Variants in PTCHD1 observed in about 807,000 individuals in gnomAD.
PTCHD1 encodes patched domain containing 1.
Under a neutral mutation model 34.6 loss-of-function variants are expected in PTCHD1, and 3 were observed. That is an observed-to-expected ratio of 0.09 (90% CI 0.04 to 0.22). The LOEUF is 0.22. Among genes scored for constraint, PTCHD1 ranks in the 10% least tolerant of loss-of-function variants. The pLI is 1.00. For synonymous variants in PTCHD1, 305 were observed against 283.1 expected, an observed-to-expected ratio of 1.08 and a Z score of -0.77; for missense variants, 504 against 685.5, an observed-to-expected ratio of 0.74 and a Z score of 2.96.
At chrX:23,379,511 G>A in intron 1 of PTCHD1, 80 bp from the exon 2 acceptor site, 1 of 997,878 alleles carries the variant, frequency 1.0e-6, no homozygotes, top group East Asian at 3.1e-5. Context: ...GTTTAGCTTA[G>A]AGACGGAATG....
At chrX:23,369,731 G>A (rs1361277309) in intron 1 of PTCHD1, among the ~76,000 whole-genome samples, 1 of 111,533 alleles carries the variant, frequency 9.0e-6, no homozygotes, top group Non-Finnish European at 1.9e-5. Flanking sequence ...TCCTTTAATT[G>A]ATGTGCACAG....
At chrX:23,337,244 G>A in intron 1 of PTCHD1, among the ~76,000 whole-genome samples, 1 of 111,945 alleles carries the variant, frequency 8.9e-6, no homozygotes, top group Non-Finnish European at 1.9e-5. Flanking sequence ...GAACTGGGAT[G>A]GTTTTTCATC....
In PTCHD1 at chrX:23,394,218, C is replaced by G. The variant is rs1467985540; in HGVS notation, c.*33C>G. 3.3e-6 allele frequency: 3 copies of G among 922,413 alleles called. No homozygotes were observed. The Admixed American group carries it at 7.3e-5, about 22-fold the overall frequency. 76.0% of individuals were successfully genotyped at this position (922,413 alleles called of 1,213,427 possible). A position where few individuals can be genotyped will look rare whatever the true frequency, so the allele number is the denominator to read the frequency against. ...TGCTTGGCATATTTTCACCTTAGGT[C>G]TTATCAAGACCAAAGAGATTATGTT... On this transcript the variant is annotated 3_prime_UTR_variant, in exon 3 of 3. Coordinates refer to ENST00000379361, the MANE Select transcript of PTCHD1 (RefSeq NM_173495.3).
At chrX:23,340,723 G>A (rs1297806799) in intron 1 of PTCHD1, among the ~76,000 whole-genome samples, 1 of 112,465 alleles carries the variant, frequency 8.9e-6, no homozygotes, top group Non-Finnish European at 1.9e-5. Flanking sequence ...CACAGAGGCT[G>A]ATGCTAGAAT....
intron 1 of PTCHD1, among the ~76,000 whole-genome samples, chrX:23,377,575 G>GGTGTGTGT (rs748957859): frequency 2.7e-3 from 246 of 90,522 alleles, no homozygotes; most frequent in East Asian, 5.8e-3. Context: ...GCCTCCTAGG[G>GGTGTGTGT]GTGTGTGTGT....
At chrX:23,370,770 T>C (rs1419490337) in intron 1 of PTCHD1, among the ~76,000 whole-genome samples, 1 of 112,381 alleles carries the variant, frequency 8.9e-6, no homozygotes, top group Non-Finnish European at 1.9e-5. Flanking sequence ...GATTTAACAG[T>C]ATTATTATTC....
intron 1 of PTCHD1, among the ~76,000 whole-genome samples, chrX:23,355,068 G>A (rs759403957): frequency 4.6e-5 from 5 of 109,391 alleles, no homozygotes; most frequent in African/African-American, 1.3e-4. Context: ...CAATTGCTGC[G>A]ACAGGTATGG....
chrX:23,350,613 G>T (rs1029154783), intron 1 of PTCHD1, among the ~76,000 whole-genome samples: 1 of 111,935 alleles, frequency 8.9e-6, no homozygotes. Flanking sequence ...AAGAGGTAAA[G>T]TGTGAATGTG....
rs745436338 is a variant in PTCHD1, at chrX:23,339,839, G to A, written c.351+4613G>A. 3.6e-5 allele frequency among the ~76,000 whole-genome samples: 4 copies of A among 112,411 alleles called. No individual in the cohort carries two copies. In the South Asian group the frequency reaches 1.1e-3, roughly 31 times the overall value. On this transcript the variant is annotated intron_variant, in intron 1 of 2. Transcript: ENST00000379361. ...CTATATAGCAGAAATTGTGGCTCGC[G>A]AAGCCCGAGAGATTTGCTATCTGTA... is the stretch of plus-strand genomic sequence containing the variant.
At chrX:23,348,816 T>G (rs1014642131) in intron 1 of PTCHD1, among the ~76,000 whole-genome samples, 2 of 111,357 alleles carry the variant, frequency 1.8e-5, no homozygotes, top group Admixed American at 1.9e-4. Context: ...AAAAGGAAAA[T>G]TATATAGGTC....
intron 1 of PTCHD1, among the ~76,000 whole-genome samples, 183 bp downstream of exon 1, chrX:23,335,409 G>C (rs1285649222): frequency 8.8e-6 from 1 of 113,105 alleles, no homozygotes; most frequent in Non-Finnish European, 1.9e-5. Flanking sequence ...GACAAGGAGC[G>C]TCGGGGTCCG....
chrX:23,379,507 C>A, intron 1 of PTCHD1, 84 bp from the exon 2 acceptor site: 1 of 978,345 alleles, frequency 1.0e-6, no homozygotes, highest in Non-Finnish European at 1.4e-6. Flanking sequence ...AACTGTTTAG[C>A]TTAGAGACGG....
At chrX:23,344,418 A>G (rs1211018650) in intron 1 of PTCHD1, among the ~76,000 whole-genome samples, 1 of 112,228 alleles carries the variant, frequency 8.9e-6, no homozygotes, top group Non-Finnish European at 1.9e-5. Context: ...AATGACTGCT[A>G]TTTCCTCACA....
intron 1 of PTCHD1, among the ~76,000 whole-genome samples, chrX:23,346,764 T>G (rs1389315966): frequency 8.9e-6 from 1 of 111,897 alleles, no homozygotes; most frequent in Non-Finnish European, 1.9e-5. Flanking sequence ...CCCTGGCAAC[T>G]AATGTTCAGT....
chrX:23,347,844 A>G (rs1569133201), intron 1 of PTCHD1, among the ~76,000 whole-genome samples: 1 of 110,954 alleles, frequency 9.0e-6, no homozygotes. Context: ...CGTCTCTACA[A>G]AAAAATTTAA....
Position 23,374,603 on chromosome X carries a change from CTTT to C in PTCHD1, c.352-4974_352-4972del, listed in dbSNP as rs199743694. Among the ~76,000 whole-genome samples, 209 of 97,161 alleles carry C rather than the reference CTTT, an allele frequency of 2.2e-3. 1 individual carries two copies. Among genetic ancestry groups the C allele is most frequent in the African/African-American group, 7.1e-3 (193 of 27,337 alleles). The allele number at this position is 97,161 out of a possible 115,157, so 84.4% of individuals were successfully genotyped here. On this transcript the variant is annotated intron_variant, in intron 1 of 2. Transcript: ENST00000379361. ...TGGGAAATCACTCAGAGAGGGAAATCTTTTTTTTTTTTTTTTCCAGTAAACCTA... is the reference window on the plus strand; with the variant it reads ...TGGGAAATCACTCAGAGAGGGAAATCTTTTTTTTTTTTTCCAGTAAACCTA...
chrX:23,361,248 G>A (rs942071632), intron 1 of PTCHD1, among the ~76,000 whole-genome samples: 10 of 111,456 alleles, frequency 9.0e-5, no homozygotes, highest in Non-Finnish European at 1.9e-4. Flanking sequence ...TGACAGTGGG[G>A]TGTTAAAGTC....
Position 23,348,079 on chromosome X carries a change from T to G in PTCHD1, c.351+12853T>G, listed in dbSNP as rs1226997337. 3.6e-5 allele frequency among the ~76,000 whole-genome samples: 4 copies of G among 110,847 alleles called. No homozygotes were observed. In the East Asian group the frequency reaches 1.1e-3, roughly 31 times the overall value. The stretch of plus-strand genomic sequence containing the variant: ...GGAAAAAGTAGACATCAAGACCACA[T>G]GGGTAATGTAAGCAGAGAAGTGGAA... On this transcript the variant is annotated intron_variant, in intron 1 of 2. Transcript: ENST00000379361.
chrX:23,383,409 A>G (rs1307135879), intron 2 of PTCHD1, among the ~76,000 whole-genome samples: 1 of 111,777 alleles, frequency 8.9e-6, no homozygotes, highest in Non-Finnish European at 1.9e-5. Flanking sequence ...GCCAAATGCC[A>G]AAATGACACT....
Sources: gnomAD v4.1 joint callset for allele counts (sites outside exome capture counted in the v4.1 genomes callset) on GRCh38, gnomAD v4.1.1 for gene constraint, MANE v1.5 for transcripts, NCBI Gene and HGNC (gene_info 2026-07-23, HGNC 2026-07-21) for gene names.